Variants in TMEM25 observed in about 807,000 individuals in gnomAD.
The protein encoded by TMEM25 is transmembrane protein 25.
TMEM25 carries 36 observed loss-of-function variants against 37.0 expected under a neutral mutation model. The observed-to-expected ratio is 0.97, with a 90% CI of 0.75 to 1.28. The LOEUF (loss-of-function observed/expected upper bound fraction) is 1.28. Ranked by LOEUF, TMEM25 falls within the 50% of genes most tolerant of loss-of-function variation. The pLI, the probability that TMEM25 is intolerant of heterozygous loss-of-function variation, is 0.00. For synonymous variants in TMEM25, 197 were observed against 203.7 expected (o/e 0.97, Z 0.28); for missense variants, 444 against 477.9 (o/e 0.93, Z 0.66).
intron 8 of TMEM25, chr11:118,546,054 G>T (rs535221204): frequency 1.4e-6 from 1 of 713,402 alleles, no homozygotes; most frequent in East Asian, 2.7e-5. Flanking sequence ...TCTTTAAAGA[G>T]ATAATTAAAT....
chr11:118,533,954 G>T, intron 6 of TMEM25, 67 bp downstream of exon 6: 1 of 1,613,936 alleles, frequency 6.2e-7, no homozygotes, highest in Non-Finnish European at 8.5e-7. Flanking sequence ...GAGGGAGCCT[G>T]GGGTTTCTGG....
chr11:118,535,278 C>G lies in TMEM25; in HGVS notation c.*698C>G. 1 of 1,251,270 alleles carries G rather than the reference C, an allele frequency of 8.0e-7. No homozygotes were observed. Among genetic ancestry groups the G allele is most frequent in the Non-Finnish European group, 1.0e-6 (1 of 996,360 alleles). The allele number at this position is 1,251,270 out of a possible 1,614,324, so 77.5% of individuals were successfully genotyped here. A position where few individuals can be genotyped will look rare whatever the true frequency, so the allele number is the denominator to read the frequency against. ...ACTTTTCTATTGGCCTGTGCCATCG[C>G]CCAGTATTAGCACAAGTTAGGGAGG... On this transcript the variant is annotated 3_prime_UTR_variant, in exon 9 of 9. Transcript: ENST00000313236.
In TMEM25 at chr11:118,533,879, G is replaced by C; in HGVS notation, c.828G>C (p.Leu276=). The change falls in exon 6 of 9, where the codon CTG becomes CTC. Residue 276 remains leucine (L), a synonymous_variant. Transcript: ENST00000313236. The part of the protein sequence containing the change: ...KTKGPSRHPS[L]ISSDSNNLKL... The stretch of plus-strand genomic sequence containing the variant: ...CAGGCCCCTCCCGGCACCCATCTCT[G>C]ATATCAAGGTAACTCTTCCTTGGGC... The C allele has an allele frequency of 9.9e-6, 16 of 1,614,138 alleles. No homozygotes were observed. The highest frequency in any genetic ancestry group is 1.4e-5 in the Non-Finnish European group (16 of 1,180,028).
intron 8 of TMEM25, chr11:118,545,951 A>G (rs1951674127): frequency 1.9e-6 from 2 of 1,030,780 alleles, no homozygotes; most frequent in Admixed American, 3.5e-5. Context: ...AGCATAAGAC[A>G]CAGGTTATGG....
chr11:118,531,597 G>T, intron 1 of TMEM25, 178 bp from the exon 2 acceptor site: 1 of 587,594 alleles, frequency 1.7e-6, no homozygotes, highest in Non-Finnish European at 3.0e-6. Flanking sequence ...CCATGTGTCT[G>T]CTGGGTGGGT....
intron 8 of TMEM25, chr11:118,545,878 A>C: frequency 3.7e-6 from 6 of 1,609,830 alleles, no homozygotes; most frequent in Non-Finnish European, 5.1e-6. Context: ...GAAGGACCAA[A>C]GTCAAAAGGA....
At chr11:118,531,365 G>A in intron 1 of TMEM25, 131 bp downstream of exon 1, 1 of 341,642 alleles carries the variant, frequency 2.9e-6, no homozygotes. Flanking sequence ...AGGGATGGGA[G>A]AGAGAACAGG....
At chr11:118,540,075 A>C (rs1951559222), downstream of TMEM25, among the ~76,000 whole-genome samples, 1 of 151,572 alleles carries the variant, frequency 6.6e-6, no homozygotes, top group Non-Finnish European at 1.5e-5. Flanking sequence ...AAAAGCCTAG[A>C]AATGGGATGA....
rs536372036 is a variant in TMEM25, at chr11:118,542,486, G to A, written c.1028-3633G>A. ...ATAGCAAATCATAAATAAATATTGAGGGCCAGGCGCAGTGGCTCATGCCTA... is the reference window on the plus strand; with the variant it reads ...ATAGCAAATCATAAATAAATATTGAAGGCCAGGCGCAGTGGCTCATGCCTA... On this transcript the variant is annotated intron_variant, in intron 8 of 8. Transcript: ENST00000354284. 1.6e-3 allele frequency among the ~76,000 whole-genome samples: 239 copies of A among 152,240 alleles called. 1 individual carries two copies. Among genetic ancestry groups the A allele is most frequent in the African/African-American group, 5.7e-3 (235 of 41,546 alleles).
intron 8 of TMEM25, chr11:118,545,608 G>T: frequency 9.2e-7 from 1 of 1,083,722 alleles, no homozygotes; most frequent in Non-Finnish European, 1.4e-6. Context: ...TGACTTTGGG[G>T]GTTAAATACC....
chr11:118,546,066 A>G, intron 8 of TMEM25: 1 of 714,178 alleles, frequency 1.4e-6, no homozygotes, highest in Non-Finnish European at 2.6e-6. Flanking sequence ...TAATTAAATT[A>G]AAACAAGGTC....
chr11:118,534,376 C>T lies in TMEM25; in HGVS notation c.1027+21C>T, dbSNP rs781986501. ...CCAAGGTACTGGGGAAGGGGCCTGC[C>T]ACCCTCCTCCTCTGCCCCCCAGCCC... On this transcript the variant is annotated intron_variant, in intron 8 of 8. Coordinates refer to ENST00000313236, the MANE Select transcript of TMEM25 (RefSeq NM_032780.4). The surrounding 1 kb of genome is among the most constrained non-coding windows in gnomAD (Gnocchi z 4.6). 1 of 1,612,830 alleles carries T rather than the reference C, an allele frequency of 6.2e-7. No homozygotes were observed. Among genetic ancestry groups the T allele is most frequent in the African/African-American group, 1.3e-5 (1 of 75,034 alleles).
downstream of TMEM25, chr11:118,546,867 G>A (rs2135470890): frequency 6.6e-6 from 1 of 152,252 alleles, no homozygotes. Context: ...ATCTAACTCA[G>A]GTAACAGGCT....
chr11:118,532,893 A>G (rs1555060039), intron 3 of TMEM25, 24 bp from the exon 4 acceptor site: 6 of 1,600,014 alleles, frequency 3.7e-6, no homozygotes, highest in Non-Finnish European at 5.1e-6. Flanking sequence ...TGGTGAGAGC[A>G]TATTGGCCTC....
chr11:118,544,254 G>A (rs782760204), intron 8 of TMEM25, among the ~76,000 whole-genome samples: 18 of 152,224 alleles, frequency 1.2e-4, no homozygotes, highest in Non-Finnish European at 2.5e-4. Flanking sequence ...CAATAGCTAC[G>A]CTCCCTGAGA....
intron 8 of TMEM25, among the ~76,000 whole-genome samples, chr11:118,542,245 T>C (rs144579065): frequency 1.2e-4 from 19 of 152,248 alleles, no homozygotes; most frequent in African/African-American, 4.6e-4. Flanking sequence ...GGGCTGGACA[T>C]GCTAAGTCAG....
At chr11:118,543,136 G>A (rs149183449) in intron 8 of TMEM25, among the ~76,000 whole-genome samples, 2,215 of 152,194 alleles carry the variant, frequency 0.015, 60 homozygotes, top group African/African-American at 0.051. Context: ...CCAGCTACTC[G>A]GGAGGCATAG....
chr11:118,535,864 T>C (rs142422362), downstream of TMEM25: 1 of 1,108,800 alleles, frequency 9.0e-7, no homozygotes, highest in Non-Finnish European at 1.1e-6. Context: ...TCTATTAATA[T>C]GTTTTTGTTT....
exon 9 of TMEM25, chr11:118,546,405 T>C (rs1555067167): frequency 6.5e-6 from 3 of 460,922 alleles, no homozygotes; most frequent in Non-Finnish European, 8.0e-6. Context: ...GTGGGAGGAC[T>C]GCTTGAGTCC....
Sources: gnomAD v4.1 joint callset for allele counts (sites outside exome capture counted in the v4.1 genomes callset) on GRCh38, gnomAD v4.1.1 for gene constraint, Gnocchi (gnomAD v3.1) non-coding constraint, MANE v1.5 for transcripts, NCBI Gene and HGNC (gene_info 2026-07-23, HGNC 2026-07-21) for gene names.